SPIRE1: variants seen among roughly 807,000 people sequenced by gnomAD.
SPIRE1 encodes spire type actin nucleation factor 1.
A neutral mutation model predicts 94.1 loss-of-function variants in SPIRE1; 40 were observed. The ratio of observed to expected loss-of-function variants is 0.43; its 90% CI spans 0.33 to 0.55. The LOEUF is 0.55. Ranked by LOEUF, SPIRE1 falls within the 20% of genes least tolerant of loss-of-function variation. The pLI is 0.06. For missense variants in SPIRE1, 838 were observed against 975.2 expected, an observed-to-expected ratio of 0.86 and a Z score of 1.87; for synonymous variants, 376 against 371.7, an observed-to-expected ratio of 1.01 and a Z score of -0.13.
chr18:12,492,153 G>A (rs2033257087), intron 8 of SPIRE1, among the ~76,000 whole-genome samples: 1 of 152,194 alleles, frequency 6.6e-6, no homozygotes, highest in South Asian at 2.1e-4. Flanking sequence ...AACCATGGAA[G>A]AGGGTATGGT....
At position 12,556,570 on chromosome 18, in the gene SPIRE1, C is replaced by T. The variant is rs958740906; in HGVS notation, c.373-9666G>A. 1.3e-5 allele frequency among the ~76,000 whole-genome samples: 2 copies of T among 152,180 alleles called. 1 individual carries two copies. The highest frequency in any genetic ancestry group is 3.8e-4 in the East Asian group (2 of 5,198). ...GTTCAGATGCGTCCGGAGTTTCTTC[C>T]TTCTGGTGGGTTCATGGTCTTGCTG... On this transcript the variant is annotated intron_variant, in intron 2 of 16. Coordinates refer to ENST00000409402, the MANE Select transcript of SPIRE1 (RefSeq NM_001128626.2).
chr18:12,621,668 C>T (rs71351495), intron 2 of SPIRE1, among the ~76,000 whole-genome samples: 11,154 of 152,204 alleles, frequency 0.073, 568 homozygotes, highest in Non-Finnish European at 0.11. Flanking sequence ...CAAATCTATA[C>T]ATATAGAAAG....
chr18:12,578,199 T>C (rs772193174), intron 2 of SPIRE1, among the ~76,000 whole-genome samples: 5 of 152,154 alleles, frequency 3.3e-5, no homozygotes, highest in Non-Finnish European at 7.4e-5. Flanking sequence ...TACATTCCTA[T>C]TTACCCAAGA....
At chr18:12,521,595 A>C (rs2034360768) in intron 4 of SPIRE1, among the ~76,000 whole-genome samples, 1 of 152,020 alleles carries the variant, frequency 6.6e-6, no homozygotes, top group African/African-American at 2.4e-5. Context: ...CAGCCTCCCA[A>C]AGTGCTGGGA....
chr18:12,479,131 A>ATGTG (rs537928120), intron 10 of SPIRE1, among the ~76,000 whole-genome samples: 2 of 146,062 alleles, frequency 1.4e-5, no homozygotes, highest in African/African-American at 5.0e-5. Context: ...GACTACATAT[A>ATGTG]TGTGTGTGTG....
At position 12,447,826 on chromosome 18, in the gene SPIRE1, A is replaced by C. The variant is rs1271322557; in HGVS notation, c.*1812T>G. 6.6e-6 allele frequency: 1 copy of C among 152,222 alleles called. No homozygotes were observed. The highest frequency in any genetic ancestry group is 2.1e-4 in the South Asian group (1 of 4,832). 9.4% of individuals were successfully genotyped at this position (152,222 alleles called of 1,614,324 possible). A position where few individuals can be genotyped will look rare whatever the true frequency, so the allele number is the denominator to read the frequency against. ...TTCTCCTAGGTGCATATTTATATAC[A>C]TATACAAATACCATTTCCTTCCCCC... On this transcript the variant is annotated 3_prime_UTR_variant, in exon 17 of 17. Transcript: ENST00000409402.
intron 10 of SPIRE1, among the ~76,000 whole-genome samples, chr18:12,468,209 G>T (rs966309310): frequency 6.6e-5 from 10 of 152,162 alleles, no homozygotes; most frequent in Non-Finnish European, 1.5e-4. Context: ...TATGACCACA[G>T]ATGTTAAAAT....
At chr18:12,495,948 A>G in intron 7 of SPIRE1, 68 bp downstream of exon 7, 3 of 1,208,328 alleles carry the variant, frequency 2.5e-6, no homozygotes, top group Non-Finnish European at 3.7e-6. Flanking sequence ...AGTTCTAGAG[A>G]TGACACCCTA....
chr18:12,449,385 A>C lies in SPIRE1; in HGVS notation c.*253T>G. The stretch of plus-strand genomic sequence containing the variant: ...GAAGTAGCTACTGGCTTCCAAAGCC[A>C]CACACACACAAAAGTAAGTTTCAAA... On this transcript the variant is annotated 3_prime_UTR_variant, in exon 17 of 17. Coordinates refer to ENST00000409402, the MANE Select transcript of SPIRE1 (RefSeq NM_001128626.2). The C allele has an allele frequency of 4.2e-6, 2 of 471,940 alleles. No individual in the cohort carries two copies. The highest frequency in any genetic ancestry group is 7.6e-6 in the Non-Finnish European group (2 of 261,980). 29.2% of individuals were successfully genotyped at this position (471,940 alleles called of 1,614,324 possible).
At chr18:12,461,180 A>G (rs534357515) in intron 12 of SPIRE1, among the ~76,000 whole-genome samples, 2 of 152,336 alleles carry the variant, frequency 1.3e-5, no homozygotes, top group African/African-American at 4.8e-5. Flanking sequence ...TGAAGGTCTC[A>G]GCATAACTTC....
chr18:12,648,697 C>A (rs2038292179), intron 1 of SPIRE1, among the ~76,000 whole-genome samples: 1 of 151,938 alleles, frequency 6.6e-6, no homozygotes, highest in Non-Finnish European at 1.5e-5. Context: ...TGAGACCAGC[C>A]TGACCAACAT....
intron 6 of SPIRE1, among the ~76,000 whole-genome samples, chr18:12,496,455 C>T (rs895793823): frequency 3.3e-5 from 5 of 152,100 alleles, no homozygotes; most frequent in African/African-American, 7.2e-5. Flanking sequence ...CTAGGTAGGC[C>T]GGGAGCAGTG....
At chr18:12,639,499 C>T (rs2038027060) in intron 1 of SPIRE1, among the ~76,000 whole-genome samples, 1 of 152,062 alleles carries the variant, frequency 6.6e-6, no homozygotes, top group South Asian at 2.1e-4. Context: ...TTTGGGAGGC[C>T]AAGGCAGGTG....
At chr18:12,602,133 CACACAT>C (rs1008002436) in intron 2 of SPIRE1, among the ~76,000 whole-genome samples, 7 of 152,148 alleles carry the variant, frequency 4.6e-5, no homozygotes, top group African/African-American at 1.7e-4. Context: ...CATATACACA[CACACAT>C]ACACATAAAG....
At chr18:12,545,896 G>T (rs1187716760) in intron 3 of SPIRE1, among the ~76,000 whole-genome samples, 1 of 152,118 alleles carries the variant, frequency 6.6e-6, no homozygotes, top group East Asian at 1.9e-4. Flanking sequence ...ATATCTAAAA[G>T]CGGTTTCTTG....
chr18:12,620,678 T>C (rs777373667), intron 2 of SPIRE1, among the ~76,000 whole-genome samples: 9 of 152,054 alleles, frequency 5.9e-5, no homozygotes, highest in Non-Finnish European at 1.2e-4. Flanking sequence ...GACCTAAATA[T>C]AAGAACCAAA....
intron 2 of SPIRE1, among the ~76,000 whole-genome samples, chr18:12,628,267 GGCTA>G (rs1431624351): frequency 2.6e-5 from 4 of 152,046 alleles, no homozygotes; most frequent in Admixed American, 2.6e-4. Flanking sequence ...TTCTACATAT[GGCTA>G]GCCAGTTTTC....
chr18:12,496,180 A>C, intron 6 of SPIRE1, 78 bp from the exon 7 acceptor site: 44 of 942,358 alleles, frequency 4.7e-5, no homozygotes, highest in Non-Finnish European at 7.0e-5. Context: ...CTGTTATCTC[A>C]AATATGCCAT....
intron 7 of SPIRE1, among the ~76,000 whole-genome samples, chr18:12,494,225 G>C (rs1307092549): frequency 2.0e-5 from 3 of 151,992 alleles, no homozygotes; most frequent in African/African-American, 7.3e-5. Context: ...TGAACACCCC[G>C]CTCTACTGTT....
Sources: gnomAD v4.1 joint callset for allele counts (sites outside exome capture counted in the v4.1 genomes callset) on GRCh38, gnomAD v4.1.1 for gene constraint, MANE v1.5 for transcripts, NCBI Gene and HGNC (gene_info 2026-07-23, HGNC 2026-07-21) for gene names.